Variants in DGKB observed in about 807,000 individuals in gnomAD.
DGKB encodes the protein 90 kDa diacylglycerol kinase.
DGKB carries 67 observed loss-of-function variants against 114.3 expected under a neutral mutation model. The observed-to-expected ratio is 0.59, with a 90% CI of 0.48 to 0.72. The LOEUF (loss-of-function observed/expected upper bound fraction) is 0.72, where lower values mean the gene tolerates loss of function less well. Ranked by LOEUF, DGKB falls within the 30% of genes least tolerant of loss-of-function variation. DGKB has a pLI of 0.00. For missense variants in DGKB, 907 were observed against 975.2 expected (o/e 0.93, Z 0.93); for synonymous variants, 398 against 323.1 (o/e 1.23, Z -2.49).
chr7:14,959,037 T>C (rs901917656), intron 1 of DGKB, among the ~76,000 whole-genome samples: 1 of 152,118 alleles, frequency 6.6e-6, no homozygotes, highest in Non-Finnish European at 1.5e-5. Flanking sequence ...ATTGATTTGG[T>C]GTTTTATATG....
chr7:14,572,346 G>A (rs1297859428), intron 20 of DGKB, among the ~76,000 whole-genome samples: 1 of 151,644 alleles, frequency 6.6e-6, no homozygotes, highest in East Asian at 1.9e-4. Flanking sequence ...CAGCTACTCG[G>A]GAGGCTGAGG....
intron 1 of DGKB, among the ~76,000 whole-genome samples, chr7:14,920,903 A>G (rs1260199613): frequency 6.6e-6 from 1 of 152,110 alleles, no homozygotes; most frequent in Non-Finnish European, 1.5e-5. Context: ...CTCCCATACT[A>G]AATTACATTT....
chr7:14,932,510 C>T (rs36865), intron 1 of DGKB, among the ~76,000 whole-genome samples: 86,651 of 151,970 alleles, frequency 0.57, 27,429 homozygotes, highest in East Asian at 0.88. Context: ...GATTATTGTA[C>T]ATTCTGTTAA....
intron 2 of DGKB, among the ~76,000 whole-genome samples, chr7:14,775,679 G>C (rs1838059420): frequency 1.3e-5 from 2 of 152,122 alleles, no homozygotes; most frequent in African/African-American, 4.8e-5. Context: ...ACCATGTGAA[G>C]AAGGATGTGT....
At chr7:14,794,054 C>A (rs1410376613) in intron 2 of DGKB, among the ~76,000 whole-genome samples, 4 of 152,112 alleles carry the variant, frequency 2.6e-5, no homozygotes, top group Non-Finnish European at 1.5e-5. Context: ...TGAATTACTC[C>A]ATCAGCTTTC....
intron 21 of DGKB, among the ~76,000 whole-genome samples, chr7:14,362,934 T>C (rs1402634515): frequency 6.6e-6 from 1 of 152,088 alleles, no homozygotes; most frequent in Non-Finnish European, 1.5e-5. Flanking sequence ...ACCAACCTTG[T>C]GACTTATTTT....
intron 24 of DGKB, among the ~76,000 whole-genome samples, chr7:14,177,162 T>C (rs1781878838): frequency 6.6e-6 from 1 of 150,744 alleles, no homozygotes; most frequent in South Asian, 2.1e-4. Flanking sequence ...TTTCAGGGTT[T>C]ATGTTTAATG....
intron 1 of DGKB, among the ~76,000 whole-genome samples, chr7:14,915,771 AAC>A (rs1784211456): frequency 6.6e-6 from 1 of 152,170 alleles, no homozygotes; most frequent in Non-Finnish European, 1.5e-5. Flanking sequence ...AAAACAAACA[AAC>A]AAACAAACAA....
rs186073880 is a variant in DGKB at position 14,421,334 on chromosome 7, C to T, written c.1835+56827G>A. Among the ~76,000 whole-genome samples, 190 of 152,120 alleles carry T rather than the reference C, an allele frequency of 1.2e-3. 1 individual carries two copies. Among genetic ancestry groups the T allele is most frequent in the African/African-American group, 4.4e-3 (183 of 41,520 alleles). On this transcript the variant is annotated intron_variant, in intron 21 of 25. Coordinates refer to ENST00000402815, the MANE Select transcript of DGKB (RefSeq NM_001350709.2). ...ATACATCAAGAGCCTAGATGACTCA[C>T]GATCAGAACCCTTTATCTAGTAACA...
At chr7:14,379,753 T>A (rs918651396) in intron 21 of DGKB, among the ~76,000 whole-genome samples, 9 of 152,122 alleles carry the variant, frequency 5.9e-5, no homozygotes, top group African/African-American at 2.2e-4. Context: ...AGTGACGGGG[T>A]TTCACCGTGT....
chr7:14,815,643 G>T (rs2128090681), intron 2 of DGKB, among the ~76,000 whole-genome samples: 1 of 152,314 alleles, frequency 6.6e-6, no homozygotes, highest in South Asian at 2.1e-4. Context: ...ATCTCTAGGA[G>T]TGGCTCTCTT....
chr7:14,700,558 CA>C lies in DGKB; in HGVS notation c.516+1122del, dbSNP rs374499254. On this transcript the variant is annotated intron_variant, in intron 7 of 25. Coordinates refer to ENST00000402815, the MANE Select transcript of DGKB (RefSeq NM_001350709.2). ...TGAGACTTACAGATAATAAATCCCA[CA>C]ATCACAGCATCAATTCAGAGTGATG... Among the ~76,000 whole-genome samples, 358 of 152,260 alleles carry C rather than the reference CA, an allele frequency of 2.4e-3. 3 individuals are homozygous for C. The highest frequency in any genetic ancestry group is 8.2e-3 in the African/African-American group (342 of 41,554).
chr7:14,878,771 A>G (rs1217854802), intron 1 of DGKB, among the ~76,000 whole-genome samples: 1 of 136,178 alleles, frequency 7.3e-6, no homozygotes, highest in Non-Finnish European at 1.7e-5. Context: ...AAAAAAAACA[A>G]AAAAAAAAAA....
chr7:14,520,383 T>C (rs1251768161), intron 20 of DGKB, among the ~76,000 whole-genome samples: 4 of 151,672 alleles, frequency 2.6e-5, no homozygotes, highest in Non-Finnish European at 5.9e-5. Flanking sequence ...AGATTTAGTT[T>C]GCTTTTCTTT....
rs73280366 is a variant in DGKB at position 14,458,820 on chromosome 7, C to A, written c.1835+19341G>T. Reference sequence around the variant, plus strand: ...GCTAGCTGCAGGATTTGTTTTCATACCCTGGTGGCGCCTGGAATACCAGCA... The same window carrying A: ...GCTAGCTGCAGGATTTGTTTTCATAACCTGGTGGCGCCTGGAATACCAGCA... On this transcript the variant is annotated intron_variant, in intron 21 of 25. Coordinates refer to ENST00000402815, the MANE Select transcript of DGKB (RefSeq NM_001350709.2). 9.3e-3 allele frequency among the ~76,000 whole-genome samples: 1,411 copies of A among 152,290 alleles called. 24 individuals carry two copies. Among genetic ancestry groups the A allele is most frequent in the African/African-American group, 0.033 (1,351 of 41,558 alleles).
At chr7:14,930,383 T>A (rs1180950754) in intron 1 of DGKB, among the ~76,000 whole-genome samples, 1 of 152,212 alleles carries the variant, frequency 6.6e-6, no homozygotes, top group Admixed American at 6.5e-5. Flanking sequence ...AATCCATAAT[T>A]CTTTTAATCA....
intron 20 of DGKB, among the ~76,000 whole-genome samples, chr7:14,555,367 G>A (rs562233976): frequency 2.0e-5 from 3 of 152,082 alleles, no homozygotes; most frequent in Non-Finnish European, 2.9e-5. Flanking sequence ...TTTAGTACAC[G>A]GCAAGGAAAT....
chr7:14,942,922 G>A (rs1257817324), intron 1 of DGKB, among the ~76,000 whole-genome samples: 2 of 151,410 alleles, frequency 1.3e-5, no homozygotes, highest in African/African-American at 4.8e-5. Context: ...AGCATTATAT[G>A]TGATTTTTTT....
chr7:14,803,073 G>C (rs1051821317), intron 2 of DGKB, among the ~76,000 whole-genome samples: 1 of 151,904 alleles, frequency 6.6e-6, no homozygotes, highest in East Asian at 1.9e-4. Flanking sequence ...AGGCCTTTTG[G>C]TGTCATTTGC....
Sources: allele counts gnomAD v4.1 joint callset (sites outside exome capture counted in the v4.1 genomes callset), GRCh38; gene constraint gnomAD v4.1.1; transcripts MANE v1.5; gene names NCBI Gene and HGNC (gene_info 2026-07-23, HGNC 2026-07-21).